Variants in CCDC60 observed in about 807,000 individuals in gnomAD.
The protein encoded by CCDC60 is coiled-coil domain containing 60.
In CCDC60, 54 loss-of-function variants were observed where a neutral mutation model predicts 63.5. That is an observed-to-expected ratio of 0.85 (90% CI 0.68 to 1.07). The LOEUF (loss-of-function observed/expected upper bound fraction) is 1.07. Ranked by LOEUF, CCDC60 falls within the 50% of genes least tolerant of loss-of-function variation. The probability of loss-of-function intolerance (pLI) is 0.00; values close to 1 mark genes in which losing one functional copy is unlikely to be tolerated. For synonymous variants in CCDC60, 206 were observed against 238.8 expected (o/e 0.86, Z 1.27); for missense variants, 651 against 684.3 (o/e 0.95, Z 0.54).
rs1011912587 is a variant in CCDC60, at chr12:119,456,229, T to C, written c.171-15765T>C. Among the ~76,000 whole-genome samples, 8 of 152,148 alleles carry C rather than the reference T, an allele frequency of 5.3e-5. No homozygotes were observed. Among genetic ancestry groups the C allele is most frequent in the African/African-American group, 1.9e-4 (8 of 41,490 alleles). On this transcript the variant is annotated intron_variant, in intron 2 of 13. Transcript: ENST00000327554. The surrounding 1 kb of genome is among the most constrained non-coding windows in gnomAD (Gnocchi z 4.6). ...GAAGCCATTAGAGGATTTTGAGCAT[T>C]AAGATAGGAATGATGAGATTTGCCT...
chr12:119,463,539 T>C (rs1172311756), intron 2 of CCDC60, among the ~76,000 whole-genome samples: 2 of 152,216 alleles, frequency 1.3e-5, no homozygotes, highest in Non-Finnish European at 2.9e-5. Flanking sequence ...ACAGAGTCAT[T>C]GTGAGGACAA....
intron 4 of CCDC60, among the ~76,000 whole-genome samples, chr12:119,487,379 C>T (rs959010428): frequency 6.6e-6 from 1 of 151,842 alleles, no homozygotes; most frequent in African/African-American, 2.4e-5. Flanking sequence ...CTCACTGCCA[C>T]CTCCGCCTCT....
intron 3 of CCDC60, among the ~76,000 whole-genome samples, chr12:119,476,872 C>G (rs1473995231): frequency 6.6e-6 from 1 of 152,228 alleles, no homozygotes; most frequent in Admixed American, 6.5e-5. Flanking sequence ...AGGTCTTTCC[C>G]TCCTCCATTT....
At chr12:119,351,438 C>T (rs760019956) in intron 1 of CCDC60, among the ~76,000 whole-genome samples, 4 of 152,168 alleles carry the variant, frequency 2.6e-5, no homozygotes, top group Admixed American at 6.5e-5. Flanking sequence ...GTTTAATTGG[C>T]TCATGGCTCT....
rs148290626 is a variant in CCDC60 at position 119,456,013 on chromosome 12, A to AAG, written c.171-15979_171-15978dup. Among the ~76,000 whole-genome samples, 1 of 75,080 alleles carries AAG rather than the reference A, an allele frequency of 1.3e-5. No homozygotes were observed. Among genetic ancestry groups the AAG allele is most frequent in the Admixed American group, 1.4e-4 (1 of 7,000 alleles). The allele number at this position is 75,080 out of a possible 152,430, so 49.3% of individuals were successfully genotyped here. On this transcript the variant is annotated intron_variant, in intron 2 of 13. Coordinates refer to ENST00000327554, the MANE Select transcript of CCDC60 (RefSeq NM_178499.5). The surrounding 1 kb of genome is among the most constrained non-coding windows in gnomAD (Gnocchi z 4.6). ...AGAGAGAGAGAAAGAGAAAGAAAGA[A>AAG]AGAAAGAAAGAAAGAAAGAAAGAAA...
At chr12:119,480,719 CCAT>C (rs1340689642) in intron 4 of CCDC60, among the ~76,000 whole-genome samples, 12 of 141,772 alleles carry the variant, frequency 8.5e-5, no homozygotes, top group East Asian at 2.2e-4. Context: ...CTCACCACCA[CCAT>C]CATCACCACC....
intron 3 of CCDC60, among the ~76,000 whole-genome samples, chr12:119,477,083 G>A (rs1052648989): frequency 3.3e-5 from 5 of 152,190 alleles, no homozygotes. Flanking sequence ...TCACATTGGT[G>A]GCAAGTTGTA....
intron 1 of CCDC60, among the ~76,000 whole-genome samples, chr12:119,370,074 T>C (rs1955882429): frequency 6.6e-6 from 1 of 152,200 alleles, no homozygotes; most frequent in Non-Finnish European, 1.5e-5. Context: ...TTGAGGCCGC[T>C]TCAGGAAAGG....
At chr12:119,469,748 A>C (rs1033438321) in intron 2 of CCDC60, among the ~76,000 whole-genome samples, 1 of 152,156 alleles carries the variant, frequency 6.6e-6, no homozygotes, top group Non-Finnish European at 1.5e-5. Flanking sequence ...GTGATTGTGA[A>C]TGGCCAATGA....
chr12:119,378,794 G>T (rs1955980528), intron 1 of CCDC60, among the ~76,000 whole-genome samples: 1 of 152,224 alleles, frequency 6.6e-6, no homozygotes, highest in Non-Finnish European at 1.5e-5. Flanking sequence ...CACAAGCAAA[G>T]CCCTATGCAC....
At chr12:119,530,781 C>G (rs1952819175) in intron 12 of CCDC60, 93 bp from the exon 13 acceptor site, 1 of 1,069,336 alleles carries the variant, frequency 9.4e-7, no homozygotes, top group Non-Finnish European at 1.4e-6. Flanking sequence ...GGAGACATCA[C>G]AGAGAGCAGA....
chr12:119,346,774 C>CT (rs71451837), intron 1 of CCDC60, among the ~76,000 whole-genome samples: 2 of 125,296 alleles, frequency 1.6e-5, no homozygotes, highest in African/African-American at 3.1e-5. Flanking sequence ...ACTCATCTTT[C>CT]TCTTTCTTTC....
intron 4 of CCDC60, among the ~76,000 whole-genome samples, chr12:119,480,968 C>CCATCACCAGCAT (rs1178047572): frequency 2.1e-4 from 30 of 144,010 alleles, no homozygotes; most frequent in Admixed American, 1.9e-3. Context: ...ATCACCATCA[C>CCATCACCAGCAT]CATCATTATC....
At chr12:119,466,949 C>T (rs1163992491) in intron 2 of CCDC60, among the ~76,000 whole-genome samples, 1 of 152,194 alleles carries the variant, frequency 6.6e-6, no homozygotes, top group Non-Finnish European at 1.5e-5. Flanking sequence ...TTTACCATTG[C>T]CATGGCAACA....
chr12:119,374,492 C>T (rs912496791), intron 1 of CCDC60, among the ~76,000 whole-genome samples: 6 of 151,936 alleles, frequency 3.9e-5, no homozygotes, highest in Non-Finnish European at 5.9e-5. Flanking sequence ...GCAATCTGGA[C>T]GGGAAAGGGT....
chr12:119,529,238 T>C (rs1952771756), intron 12 of CCDC60, among the ~76,000 whole-genome samples: 1 of 152,192 alleles, frequency 6.6e-6, no homozygotes, highest in Non-Finnish European at 1.5e-5. Context: ...GATTACTGGA[T>C]GGCAGTCACT....
chr12:119,339,511 G>A (rs761034750), intron 1 of CCDC60, among the ~76,000 whole-genome samples: 1 of 149,884 alleles, frequency 6.7e-6, no homozygotes, highest in Non-Finnish European at 1.5e-5. Context: ...TCTGCCAGGC[G>A]CAGTGGCTCA....
In CCDC60 at chr12:119,456,018, AGAAAG is replaced by A; in HGVS notation, c.171-15975_171-15971del. ...GAGAGAAAGAGAAAGAAAGAAAGAAAGAAAGAAAGAAAGAAAGAAAGAAAGAAAGA... is the reference window on the plus strand; with the variant it reads ...GAGAGAAAGAGAAAGAAAGAAAGAAAAAAGAAAGAAAGAAAGAAAGAAAGA... On this transcript the variant is annotated intron_variant, in intron 2 of 13. Transcript: ENST00000327554. This position sits in a 1 kb window ranked among gnomAD's most constrained non-coding sequence, Gnocchi z 4.6. 8.7e-6 allele frequency among the ~76,000 whole-genome samples: 1 copy of A among 115,190 alleles called. No homozygotes were observed. Among genetic ancestry groups the A allele is most frequent in the Non-Finnish European group, 1.8e-5 (1 of 56,786 alleles). The allele number at this position is 115,190 out of a possible 152,430, so 75.6% of individuals were successfully genotyped here. A position where few individuals can be genotyped will look rare whatever the true frequency, so the allele number is the denominator to read the frequency against.
chr12:119,399,139 A>G (rs1956340870), intron 1 of CCDC60, among the ~76,000 whole-genome samples: 1 of 152,214 alleles, frequency 6.6e-6, no homozygotes, highest in South Asian at 2.1e-4. Context: ...TGAATATTTC[A>G]TCAATTCAAG....
Sources: gnomAD v4.1 joint callset for allele counts (sites outside exome capture counted in the v4.1 genomes callset) on GRCh38, gnomAD v4.1.1 for gene constraint, Gnocchi (gnomAD v3.1) non-coding constraint, MANE v1.5 for transcripts, NCBI Gene and HGNC (gene_info 2026-07-23, HGNC 2026-07-21) for gene names.